AKR1C3: variants seen among roughly 807,000 people sequenced by gnomAD.
AKR1C3 encodes the protein aldo-keto reductase family 1 member C3, also known as 3-alpha hydroxysteroid dehydrogenase, type II.
A neutral mutation model predicts 43.6 loss-of-function variants in AKR1C3; 48 were observed. The ratio of observed to expected loss-of-function variants is 1.10; its 90% CI spans 0.87 to 1.40. The LOEUF (loss-of-function observed/expected upper bound fraction) is 1.40. Ranked by LOEUF, AKR1C3 falls within the 40% of genes most tolerant of loss-of-function variation. The pLI is 0.00. For synonymous variants in AKR1C3, 162 were observed against 139.6 expected, an observed-to-expected ratio of 1.16 and a Z score of -1.13; for missense variants, 482 against 391.2, an observed-to-expected ratio of 1.23 and a Z score of -1.96.
At chr10:5,089,426 C>T (rs1839038690), upstream of AKR1C3, among the ~76,000 whole-genome samples, 1 of 151,984 alleles carries the variant, frequency 6.6e-6, no homozygotes, top group East Asian at 1.9e-4. Context: ...TTTCTCAAAG[C>T]CTTTGTTCAT....
At chr10:5,097,840 C>T in intron 3 of AKR1C3, 1 of 1,167,442 alleles carries the variant, frequency 8.6e-7, no homozygotes, top group Non-Finnish European at 1.1e-6. Context: ...CTTTTGAGTC[C>T]ATCTCTTGGG....
Position 5,083,539 on chromosome 10 carries a change from CGT to C in AKR1C3, c.85-12867_85-12866del, listed in dbSNP as rs567378612. On this transcript the variant is annotated intron_variant, in intron 1 of 8. Coordinates refer to the AKR1C3 transcript ENST00000439082. ...TGTGAATAGTGCCGCTATAAACATA[CGT>C]GTGCATGTGTCTTTATAGCAGCATG... Among the ~76,000 whole-genome samples the C allele has an allele frequency of 8.6e-3, 1,314 of 152,230 alleles. 15 individuals carry two copies. The highest frequency in any genetic ancestry group is 0.028 in the African/African-American group (1,156 of 41,544).
chr10:5,095,408 C>T (rs1554784961), intron 1 of AKR1C3, among the ~76,000 whole-genome samples: 2 of 151,168 alleles, frequency 1.3e-5, no homozygotes, highest in Non-Finnish European at 3.0e-5. Flanking sequence ...ATGAAAATAA[C>T]GACACAACTG....
At chr10:5,098,965 G>GCAC in intron 4 of AKR1C3, 86 bp downstream of exon 4, 1 of 1,106,162 alleles carries the variant, frequency 9.0e-7, no homozygotes, top group Non-Finnish European at 1.3e-6. Context: ...AATGGAATAT[G>GCAC]CACCATTAGA....
intron 1 of AKR1C3, among the ~76,000 whole-genome samples, chr10:5,095,100 T>C (rs1839177187): frequency 6.6e-6 from 1 of 152,072 alleles, no homozygotes; most frequent in African/African-American, 2.4e-5. Context: ...TTAAGTAAAA[T>C]CTAGAACCTA....
intron 7 of AKR1C3, among the ~76,000 whole-genome samples, chr10:5,103,637 G>A (rs1839415594): frequency 6.6e-6 from 1 of 152,138 alleles, no homozygotes; most frequent in African/African-American, 2.4e-5. Flanking sequence ...TCATCCTGCA[G>A]CCATCCAGCC....
chr10:5,082,097 A>T (rs1437032860), intron 1 of AKR1C3, among the ~76,000 whole-genome samples: 1 of 152,094 alleles, frequency 6.6e-6, no homozygotes, highest in Non-Finnish European at 1.5e-5. Context: ...AAATAGAGGG[A>T]GTTTTACTGT....
chr10:5,092,485 T>C (rs1554784403), upstream of AKR1C3, among the ~76,000 whole-genome samples: 2 of 5,036 alleles, frequency 4.0e-4, no homozygotes, highest in African/African-American at 8.6e-4. Context: ...TCTTTACTCT[T>C]TTTTTTTTTT....
At position 5,107,629 on chromosome 10, in the gene AKR1C3, C is replaced by A. The variant is rs28943582; in HGVS notation, c.*126C>A. 2,312 of 680,470 alleles carry A rather than the reference C, an allele frequency of 3.4e-3. 40 individuals are homozygous for A. The African/African-American group carries it at 0.037, about 11-fold the overall frequency. The allele number at this position is 680,470 out of a possible 1,614,324, so 42.2% of individuals were successfully genotyped here. A position where few individuals can be genotyped will look rare whatever the true frequency, so the allele number is the denominator to read the frequency against. On this transcript the variant is annotated 3_prime_UTR_variant, in exon 9 of 9. Coordinates refer to ENST00000380554, the MANE Select transcript of AKR1C3 (RefSeq NM_003739.6). ...ATCCGTCCTGTTTAGCGACTTCAGT[C>A]AACTACAGCTGAGTCCATAGGCCAG... is the stretch of plus-strand genomic sequence containing the variant.
intron 3 of AKR1C3, chr10:5,097,898 T>C (rs1839247888): frequency 9.2e-7 from 1 of 1,090,286 alleles, no homozygotes; most frequent in Non-Finnish European, 1.1e-6. Flanking sequence ...CCAATAAAAC[T>C]GCTGCACATG....
intron 1 of AKR1C3, among the ~76,000 whole-genome samples, chr10:5,084,802 A>T (rs1402329775): frequency 6.6e-6 from 1 of 152,074 alleles, no homozygotes; most frequent in Non-Finnish European, 1.5e-5. Flanking sequence ...CATCCCTTGT[A>T]AGTTGGATTC....
upstream of AKR1C3, chr10:5,094,235 C>T (rs542310752): frequency 1.1e-5 from 4 of 353,310 alleles, no homozygotes; most frequent in South Asian, 8.6e-5. Flanking sequence ...TAATAATTTA[C>T]TTAGGAATTC....
chr10:5,085,472 G>T (rs1397325953), intron 1 of AKR1C3, among the ~76,000 whole-genome samples: 5 of 151,958 alleles, frequency 3.3e-5, no homozygotes, highest in African/African-American at 4.8e-5. Flanking sequence ...GCTGGATTCG[G>T]TTTGCCAGTA....
intron 1 of AKR1C3, 113 bp from the exon 2 acceptor site, chr10:5,096,297 C>A: frequency 1.5e-6 from 2 of 1,308,056 alleles, no homozygotes; most frequent in African/African-American, 1.5e-5. Context: ...GGACTTTTCA[C>A]CCCACATACA....
Position 5,065,858 on chromosome 10 carries a change from T to C in AKR1C3, c.84+16963T>C, listed in dbSNP as rs183583410. On this transcript the variant is annotated intron_variant, in intron 1 of 8. Transcript: ENST00000439082. ...TCCCCACTGAGAGATGTGATCTTCA[T>C]AAATCTTTATGGGAGGCAGAGGGAC... Among the ~76,000 whole-genome samples, 7 of 152,320 alleles carry C rather than the reference T, an allele frequency of 4.6e-5. No individual in the cohort carries two copies. In the East Asian group the frequency reaches 1.4e-3, roughly 29 times the overall value.
intron 5 of AKR1C3, among the ~76,000 whole-genome samples, chr10:5,100,835 A>T (rs1220969959): frequency 6.6e-6 from 1 of 152,236 alleles, no homozygotes; most frequent in African/African-American, 2.4e-5. Flanking sequence ...GATTCAACAT[A>T]ACCATTTATA....
chr10:5,091,694 ACTT>A (rs1292688094), upstream of AKR1C3, among the ~76,000 whole-genome samples: 1 of 152,138 alleles, frequency 6.6e-6, no homozygotes, highest in Non-Finnish European at 1.5e-5. Flanking sequence ...CCTATACAAA[ACTT>A]CTTCCACAGC....
intron 8 of AKR1C3, among the ~76,000 whole-genome samples, chr10:5,106,767 A>G (rs1839511174): frequency 6.6e-6 from 1 of 152,076 alleles, no homozygotes. Flanking sequence ...AAAAAAAAGC[A>G]GGAAGTTATG....
intron 3 of AKR1C3, chr10:5,098,087 G>T: frequency 1.0e-6 from 1 of 992,062 alleles, no homozygotes; most frequent in Non-Finnish European, 1.2e-6. Context: ...GAATTACTGT[G>T]TAGTGTATAA....
Sources: gnomAD v4.1 joint callset for allele counts (sites outside exome capture counted in the v4.1 genomes callset) on GRCh38, gnomAD v4.1.1 for gene constraint, MANE v1.5 for transcripts, NCBI Gene and HGNC (gene_info 2026-07-23, HGNC 2026-07-21) for gene names.